The following GNAL variants were observed in gnomAD, a reference collection of about 807,000 sequenced individuals.
The protein encoded by GNAL is guanine nucleotide-binding protein G(olf) subunit alpha.
GNAL carries 18 observed loss-of-function variants against 55.1 expected under a neutral mutation model. The observed-to-expected ratio is 0.33, with a 90% confidence interval of 0.23 to 0.48. The LOEUF (loss-of-function observed/expected upper bound fraction) is 0.48. GNAL is among the 20% of genes least tolerant of loss of function. The pLI is 0.99. For synonymous variants in GNAL, 253 were observed against 237.0 expected (o/e 1.07, Z -0.62); for missense variants, 412 against 614.1 (o/e 0.67, Z 3.48).
chr18:11,870,436 G>A (rs1296217607), intron 9 of GNAL, among the ~76,000 whole-genome samples: 3 of 152,112 alleles, frequency 2.0e-5, no homozygotes, highest in Non-Finnish European at 4.4e-5. Context: ...CAGGAGAATC[G>A]CTTGAACCCG....
chr18:11,742,874 G>A (rs2032609199), intron 1 of GNAL, among the ~76,000 whole-genome samples: 1 of 152,218 alleles, frequency 6.6e-6, no homozygotes, highest in African/African-American at 2.4e-5. Flanking sequence ...CCCTCTGAGT[G>A]AGTGGGCTGT....
chr18:11,754,286 G>A (rs1177172544), intron 4 of GNAL, among the ~76,000 whole-genome samples: 5 of 152,096 alleles, frequency 3.3e-5, no homozygotes, highest in East Asian at 3.9e-4. Context: ...GCATGGTGGT[G>A]TGCGCCTGTA....
chr18:11,849,357 C>T (rs992556773), intron 5 of GNAL, among the ~76,000 whole-genome samples: 1 of 152,120 alleles, frequency 6.6e-6, no homozygotes, highest in Non-Finnish European at 1.5e-5. Context: ...CAAAAATTAG[C>T]CGGTAGTGCT....
chr18:11,785,097 C>T (rs902540372), intron 4 of GNAL, among the ~76,000 whole-genome samples: 12 of 152,128 alleles, frequency 7.9e-5, no homozygotes, highest in African/African-American at 2.9e-4. Context: ...GCTCAGTTTT[C>T]GTCCCCTCTC....
At chr18:11,782,231 C>G (rs898290541) in intron 4 of GNAL, among the ~76,000 whole-genome samples, 1 of 152,136 alleles carries the variant, frequency 6.6e-6, no homozygotes, top group African/African-American at 2.4e-5. Flanking sequence ...GCAGGAGAAT[C>G]ACTTGATCCA....
At chr18:11,780,524 T>C (rs867127932) in intron 4 of GNAL, among the ~76,000 whole-genome samples, 5 of 152,202 alleles carry the variant, frequency 3.3e-5, no homozygotes, top group African/African-American at 1.2e-4. Flanking sequence ...CAGCTGTAAA[T>C]TGGAAGATAA....
At chr18:11,857,527 G>A (rs2036035685) in intron 5 of GNAL, 19 of 985,332 alleles carry the variant, frequency 1.9e-5, no homozygotes, top group Admixed American at 6.1e-5. Flanking sequence ...GAAGGAGGAA[G>A]CGCAGGAGTC....
At chr18:11,811,068 T>G (rs2034801448) in intron 4 of GNAL, among the ~76,000 whole-genome samples, 1 of 152,114 alleles carries the variant, frequency 6.6e-6, no homozygotes, top group Non-Finnish European at 1.5e-5. Context: ...GAATTTCCTT[T>G]ACTTACCATG....
chr18:11,760,782 AG>A, intron 4 of GNAL, among the ~76,000 whole-genome samples: 2 of 152,240 alleles, frequency 1.3e-5, no homozygotes, highest in Middle Eastern at 3.4e-3. Context: ...GTATCTTGAA[AG>A]GGGGTCTTAA....
intron 1 of GNAL, among the ~76,000 whole-genome samples, chr18:11,707,238 T>C (rs534328653): frequency 4.7e-4 from 72 of 152,356 alleles, no homozygotes; most frequent in African/African-American, 1.6e-3. Context: ...ATGGCACTTA[T>C]AGCGCTATGA....
intron 4 of GNAL, among the ~76,000 whole-genome samples, chr18:11,821,253 G>C (rs936549531): frequency 1.3e-5 from 2 of 152,172 alleles, no homozygotes; most frequent in African/African-American, 4.8e-5. Flanking sequence ...TTCTAAAATA[G>C]TGGTTTTAAA....
chr18:11,820,469 CTT>C (rs949306379), intron 4 of GNAL, among the ~76,000 whole-genome samples: 1 of 152,026 alleles, frequency 6.6e-6, no homozygotes, highest in Non-Finnish European at 1.5e-5. Flanking sequence ...TTTTAAAAGT[CTT>C]TATGTTTTAG....
chr18:11,781,439 C>T (rs1471518456), intron 4 of GNAL, among the ~76,000 whole-genome samples: 1 of 152,138 alleles, frequency 6.6e-6, no homozygotes, highest in Non-Finnish European at 1.5e-5. Context: ...CTCCCATACA[C>T]CCCCACAGCC....
At position 11,881,617 on chromosome 18, in the gene GNAL, A is replaced by C; in HGVS notation, c.*482A>C. Reference sequence around the variant, plus strand: ...GGCCTTAGCCCAAGACTTGGAGTCGACCCCAAGCGACAGAGTGACCAGAAA... The same window carrying C: ...GGCCTTAGCCCAAGACTTGGAGTCGCCCCCAAGCGACAGAGTGACCAGAAA... On this transcript the variant is annotated 3_prime_UTR_variant, in exon 12 of 12. Coordinates refer to ENST00000334049, the MANE Select transcript of GNAL (RefSeq NM_182978.4). This position sits in a 1 kb window ranked among gnomAD's most constrained non-coding sequence, Gnocchi z 4.8. 6.5e-6 allele frequency: 1 copy of C among 152,838 alleles called. No individual in the cohort carries two copies. Among genetic ancestry groups the C allele is most frequent in the Non-Finnish European group, 1.5e-5 (1 of 68,358 alleles). 9.5% of individuals were successfully genotyped at this position (152,838 alleles called of 1,614,324 possible).
intron 5 of GNAL, among the ~76,000 whole-genome samples, chr18:11,860,113 C>G (rs1411339711): frequency 6.6e-6 from 1 of 152,188 alleles, no homozygotes; most frequent in African/African-American, 2.4e-5. Context: ...GCCTGTTTCC[C>G]TTGGCTTCCA....
intron 10 of GNAL, among the ~76,000 whole-genome samples, chr18:11,873,697 G>A (rs184655102): frequency 2.9e-3 from 435 of 152,354 alleles, no homozygotes; most frequent in Non-Finnish European, 4.9e-3. Context: ...GAGGCCGGGT[G>A]CCGCTTGCCC....
intron 4 of GNAL, among the ~76,000 whole-genome samples, chr18:11,773,408 G>A (rs1017046084): frequency 9.2e-5 from 14 of 152,138 alleles, no homozygotes; most frequent in African/African-American, 3.1e-4. Context: ...TGGTCCCCAC[G>A]GTAGGCTTGA....
chr18:11,712,274 C>T (rs1427024225), intron 1 of GNAL, among the ~76,000 whole-genome samples: 4 of 152,114 alleles, frequency 2.6e-5, no homozygotes, highest in African/African-American at 4.8e-5. Flanking sequence ...TCCACTCTCT[C>T]GGGGAGAGTG....
chr18:11,752,433 C>T lies in GNAL; in HGVS notation c.377-420C>T. The T allele has an allele frequency of 1.2e-6, 2 of 1,607,254 alleles. No homozygotes were observed. The highest frequency in any genetic ancestry group is 1.7e-6 in the Non-Finnish European group (2 of 1,177,256). ...CCTGACGTCCATCCCAGCGGGCAGG[C>T]ATGGGGTGTTTGGGCGGCAACAGCA... On this transcript the variant is annotated intron_variant, in intron 1 of 11. Transcript: ENST00000334049. This position sits in a 1 kb window ranked among gnomAD's most constrained non-coding sequence, Gnocchi z 4.5.
Sources: allele counts gnomAD v4.1 joint callset (sites outside exome capture counted in the v4.1 genomes callset), GRCh38; gene constraint gnomAD v4.1.1; non-coding constraint Gnocchi (gnomAD v3.1); transcripts MANE v1.5; gene names NCBI Gene and HGNC (gene_info 2026-07-23, HGNC 2026-07-21).